Variants in AK2 observed in about 807,000 individuals in gnomAD.
AK2 encodes the protein adenylate kinase 2, mitochondrial.
Under a neutral mutation model 24.6 loss-of-function variants are expected in AK2, and 15 were observed. That is an observed-to-expected ratio of 0.61 (90% CI 0.41 to 0.94). AK2 has a LOEUF of 0.94. Ranked by LOEUF, AK2 falls within the 40% of genes least tolerant of loss-of-function variation. AK2 has a pLI of 0.00. For synonymous variants in AK2, 102 were observed against 114.0 expected, an observed-to-expected ratio of 0.90 and a Z score of 0.67; for missense variants, 257 against 304.1, an observed-to-expected ratio of 0.85 and a Z score of 1.15.
rs1639054151 is a variant in AK2, at chr1:33,014,542, T to C, written c.478A>G (p.Lys160Glu). 5.0e-6 allele frequency: 8 copies of C among 1,612,694 alleles called. No homozygotes were observed. Among genetic ancestry groups the C allele is most frequent in the African/African-American group, 1.3e-5 (1 of 74,864 alleles). The change falls in exon 5 of 6, where the codon AAA becomes GAA. Residue 160 changes from lysine (K) to glutamate (E), a missense_variant. Physicochemically the swap from Lys to Glu is moderately conservative, Grantham distance 56. Coordinates refer to ENST00000672715, the MANE Select transcript of AK2 (RefSeq NM_001625.4). ...RSYHEEFNPP[K>E]EPMKDDITGE... is the part of the protein sequence containing the mutation. ...CATACGTCATCTTTCATGGGCTCTT[T>C]TGGAGGGTTGAACTCCTCGTGGTAG...
chr1:33,019,647 T>C (rs986813092), intron 4 of AK2: 2 of 1,000,858 alleles, frequency 2.0e-6, no homozygotes, highest in Non-Finnish European at 2.4e-6. Context: ...TCTATTCACA[T>C]GTTTGTCTCT....
Position 33,011,134 on chromosome 1 carries a change from A to T in AK2, c.*2047T>A. On this transcript the variant is annotated 3_prime_UTR_variant, in exon 6 of 6. Transcript: ENST00000672715. ...CGTGAATCTATGTGGACGGATGACAAATATTTGGGCAAGGATCATGCACAT... is the reference window on the plus strand; with the variant it reads ...CGTGAATCTATGTGGACGGATGACATATATTTGGGCAAGGATCATGCACAT... The T allele has an allele frequency of 7.2e-7, 1 of 1,393,520 alleles. No homozygotes were observed. Among genetic ancestry groups the T allele is most frequent in the Admixed American group, 2.8e-5 (1 of 35,834 alleles). The allele number at this position is 1,393,520 out of a possible 1,614,324, so 86.3% of individuals were successfully genotyped here.
chr1:33,015,470 T>C (rs1330503538), intron 4 of AK2, among the ~76,000 whole-genome samples: 2 of 152,242 alleles, frequency 1.3e-5, no homozygotes, highest in Non-Finnish European at 2.9e-5. Flanking sequence ...CAGGCCTTGC[T>C]TCACTTCTGT....
chr1:33,031,116 C>T (rs1043181883), intron 1 of AK2: 2 of 152,160 alleles, frequency 1.3e-5, no homozygotes, highest in African/African-American at 4.8e-5. Flanking sequence ...GGAGGATGAA[C>T]AGGAGAACTT....
intron 1 of AK2, among the ~76,000 whole-genome samples, chr1:33,034,391 C>T (rs1640439805): frequency 6.6e-6 from 1 of 151,074 alleles, no homozygotes; most frequent in Admixed American, 6.6e-5. Context: ...AAAAGGGAGT[C>T]AAAATTTATT....
At chr1:33,015,260 C>T (rs950021179) in intron 4 of AK2, among the ~76,000 whole-genome samples, 1 of 152,108 alleles carries the variant, frequency 6.6e-6, no homozygotes. Flanking sequence ...TTCAAGTAAT[C>T]GGGAAAAATG....
Position 33,012,818 on chromosome 1 carries a change from G to T in AK2, c.*363C>A. ...AGGCTGAGGTGGGATAATTGCTTGA[G>T]CCCCAGGAGGCAGAGGTTGCCGTGA... On this transcript the variant is annotated 3_prime_UTR_variant, in exon 6 of 6. Coordinates refer to ENST00000672715, the MANE Select transcript of AK2 (RefSeq NM_001625.4). 8.7e-7 allele frequency: 1 copy of T among 1,151,016 alleles called. No homozygotes were observed. The highest frequency in any genetic ancestry group is 1.2e-6 in the Non-Finnish European group (1 of 862,818). The allele number at this position is 1,151,016 out of a possible 1,614,324, so 71.3% of individuals were successfully genotyped here. A position where few individuals can be genotyped will look rare whatever the true frequency, so the allele number is the denominator to read the frequency against.
At chr1:33,020,457 A>G (rs1169670253) in intron 4 of AK2, among the ~76,000 whole-genome samples, 2 of 152,204 alleles carry the variant, frequency 1.3e-5, no homozygotes, top group Non-Finnish European at 2.9e-5. Context: ...CTAACACGTG[A>G]AATAGCTTCT....
At position 33,008,709 on chromosome 1, in the gene AK2, C is replaced by A; in HGVS notation, c.*4472G>T. On this transcript the variant is annotated 3_prime_UTR_variant, in exon 6 of 6. Transcript: ENST00000672715. The stretch of plus-strand genomic sequence containing the variant: ...TCACCTATAAAAGTGAAGGACAGTT[C>A]TGACTCCACAGGGTGCTGTGTGAGG... 1 of 454,108 alleles carries A rather than the reference C, an allele frequency of 2.2e-6. No individual in the cohort carries two copies. 28.1% of individuals were successfully genotyped at this position (454,108 alleles called of 1,614,324 possible).
At chr1:33,033,163 A>G (rs1396864027) in intron 1 of AK2, among the ~76,000 whole-genome samples, 1 of 140,582 alleles carries the variant, frequency 7.1e-6, no homozygotes, top group Non-Finnish European at 1.6e-5. Context: ...CTGTCTCAAA[A>G]AAAAAAAAAA....
intron 4 of AK2, chr1:33,020,013 T>C (rs1639430941): frequency 6.6e-7 from 1 of 1,515,258 alleles, no homozygotes; most frequent in Non-Finnish European, 8.8e-7. Context: ...GAGGGTCCAT[T>C]TGCAGTTGAA....
chr1:33,035,096 G>A (rs566399080), intron 1 of AK2, among the ~76,000 whole-genome samples: 66 of 152,278 alleles, frequency 4.3e-4, no homozygotes, highest in Non-Finnish European at 8.4e-4. Context: ...CACAGCAAAA[G>A]TCTGCAGAGT....
intron 4 of AK2, among the ~76,000 whole-genome samples, chr1:33,016,123 T>G (rs994240327): frequency 4.6e-5 from 7 of 152,270 alleles, no homozygotes; most frequent in African/African-American, 1.7e-4. Context: ...GCCCCCTCTG[T>G]GGATACCAAA....
In AK2 at chr1:33,009,140, A is replaced by G. The variant is rs1330031490; in HGVS notation, c.*4041T>C. ...GGAACAGGATTTAATATGTCAGTGA[A>G]GACCCTGCCTCTCTCTGTAACAAGA... On this transcript the variant is annotated 3_prime_UTR_variant, in exon 6 of 6. Coordinates refer to ENST00000672715, the MANE Select transcript of AK2 (RefSeq NM_001625.4). 1 of 452,448 alleles carries G rather than the reference A, an allele frequency of 2.2e-6. No individual in the cohort carries two copies. The allele number at this position is 452,448 out of a possible 1,614,324, so 28.0% of individuals were successfully genotyped here.
rs995686582 is a variant in AK2, at chr1:33,013,046, C to A, written c.*135G>T. On this transcript the variant is annotated 3_prime_UTR_variant, in exon 6 of 6. Transcript: ENST00000672715. ...GAGAGTAGCACACACGCCAAAGATACATCAAGCAAGTGCTTTTTTAATCAA... is the reference window on the plus strand; with the variant it reads ...GAGAGTAGCACACACGCCAAAGATAAATCAAGCAAGTGCTTTTTTAATCAA... 6.2e-7 allele frequency: 1 copy of A among 1,600,500 alleles called. No homozygotes were observed.
At chr1:33,024,204 A>G (rs1569668607) in intron 2 of AK2, 1 of 562,788 alleles carries the variant, frequency 1.8e-6, no homozygotes, top group East Asian at 3.4e-5. Flanking sequence ...ATAATCTGCC[A>G]GTTTGTTAAA....
rs1638814009 is a variant in AK2, at chr1:33,011,465, G to A, written c.*1716C>T. On this transcript the variant is annotated 3_prime_UTR_variant, in exon 6 of 6. Transcript: ENST00000672715. Reference sequence around the variant, plus strand: ...ACACTCACTTGGACCAGGCAAAGAGGGAAGCAAGGTGGCCAGGTACTCATG... The same window carrying A: ...ACACTCACTTGGACCAGGCAAAGAGAGAAGCAAGGTGGCCAGGTACTCATG... 4 of 1,287,238 alleles carry A rather than the reference G, an allele frequency of 3.1e-6. No homozygotes were observed. The highest frequency in any genetic ancestry group is 2.3e-5 in the Admixed American group (1 of 43,528). The allele number at this position is 1,287,238 out of a possible 1,614,324, so 79.7% of individuals were successfully genotyped here.
chr1:33,014,661 G>A, intron 4 of AK2, 67 bp from the exon 5 acceptor site: 6 of 1,380,590 alleles, frequency 4.3e-6, no homozygotes, highest in East Asian at 2.4e-5. Flanking sequence ...CACTCTAGGG[G>A]GCTCCAGAAT....
In AK2 at chr1:33,011,782, C is replaced by G; in HGVS notation, c.*1399G>C. 1 of 1,447,958 alleles carries G rather than the reference C, an allele frequency of 6.9e-7. No homozygotes were observed. The highest frequency in any genetic ancestry group is 9.2e-7 in the Non-Finnish European group (1 of 1,092,676). The allele number at this position is 1,447,958 out of a possible 1,614,324, so 89.7% of individuals were successfully genotyped here. A position where few individuals can be genotyped will look rare whatever the true frequency, so the allele number is the denominator to read the frequency against. ...TAGAAAATGCTCAATAGTTGGGAAGCTAAGGTTATGAATAAAAGCTGGTAA... is the reference window on the plus strand; with the variant it reads ...TAGAAAATGCTCAATAGTTGGGAAGGTAAGGTTATGAATAAAAGCTGGTAA... On this transcript the variant is annotated 3_prime_UTR_variant, in exon 6 of 6. Coordinates refer to ENST00000672715, the MANE Select transcript of AK2 (RefSeq NM_001625.4).
Sources: gnomAD v4.1 joint callset for allele counts (sites outside exome capture counted in the v4.1 genomes callset) on GRCh38, gnomAD v4.1.1 for gene constraint, MANE v1.5 for transcripts, NCBI Gene and HGNC (gene_info 2026-07-23, HGNC 2026-07-21) for gene names.